CASP9: variants seen among roughly 807,000 people sequenced by gnomAD.
The protein encoded by CASP9 is caspase 9.
A neutral mutation model predicts 43.5 loss-of-function variants in CASP9; 29 were observed. The ratio of observed to expected loss-of-function variants is 0.67; its 90% confidence interval spans 0.50 to 0.91. The LOEUF is 0.91. CASP9 is among the 40% of genes least tolerant of loss of function. The pLI is 0.00. For missense variants in CASP9, 575 were observed against 537.4 expected (o/e 1.07, Z -0.69); for synonymous variants, 206 against 211.9 (o/e 0.97, Z 0.24).
rs1326190152 is a variant in CASP9 at position 15,491,634 on chromosome 1, T to G, written c.*1309A>C. The G allele has an allele frequency of 3.4e-6, 1 of 291,356 alleles. No individual in the cohort carries two copies. The allele number at this position is 291,356 out of a possible 1,614,324, so 18.0% of individuals were successfully genotyped here. On this transcript the variant is annotated 3_prime_UTR_variant, in exon 9 of 9. Coordinates refer to ENST00000333868, the MANE Select transcript of CASP9 (RefSeq NM_001229.5). ...TTAACTGGGAGAGGTGGTGCACACC[T>G]GTAGTCCAAGCTACTCAGGTGGCTG...
At chr1:15,493,249 C>G in intron 8 of CASP9, 1 of 1,403,702 alleles carries the variant, frequency 7.1e-7, no homozygotes, top group African/African-American at 1.4e-5. Context: ...AAGTTCAAAT[C>G]AGACTGAAAT....
intron 2 of CASP9, among the ~76,000 whole-genome samples, chr1:15,517,184 C>G (rs1406667897): frequency 6.6e-6 from 1 of 152,056 alleles, no homozygotes; most frequent in Non-Finnish European, 1.5e-5. Flanking sequence ...ACCCACATGT[C>G]CATCAGTAGG....
intron 1 of CASP9, among the ~76,000 whole-genome samples, chr1:15,520,458 T>C (rs1451613639): frequency 1.3e-5 from 2 of 152,264 alleles, no homozygotes; most frequent in Non-Finnish European, 2.9e-5. Context: ...TAGCTTTTAA[T>C]ATTACTCTTT....
At chr1:15,512,700 A>T (rs1281773332) in intron 2 of CASP9, among the ~76,000 whole-genome samples, 8 of 152,294 alleles carry the variant, frequency 5.3e-5, no homozygotes, top group Admixed American at 5.2e-4. Context: ...AAAAAAATGC[A>T]TATATCTTTC....
At chr1:15,524,589 T>TCCCCG (rs1710375447), upstream of CASP9, 26 of 892,590 alleles carry the variant, frequency 2.9e-5, no homozygotes, top group South Asian at 1.6e-4. Context: ...TGACCTCACG[T>TCCCCG]CACCGCCCCG....
At chr1:15,517,392 A>C (rs1451499221) in intron 2 of CASP9, among the ~76,000 whole-genome samples, 3 of 152,188 alleles carry the variant, frequency 2.0e-5, no homozygotes, top group Non-Finnish European at 2.9e-5. Context: ...CTGGCGATAG[A>C]GATGAGAACG....
upstream of CASP9, chr1:15,524,529 A>G: frequency 2.9e-6 from 1 of 349,832 alleles, no homozygotes; most frequent in South Asian, 3.1e-5. Context: ...GCCCCGCTCC[A>G]GAATCCACCA....
In CASP9 at chr1:15,497,983, C is replaced by T. The variant is rs114082177; in HGVS notation, c.869-2531G>A. On this transcript the variant is annotated intron_variant, in intron 6 of 8. Coordinates refer to ENST00000333868, the MANE Select transcript of CASP9 (RefSeq NM_001229.5). ...TGTCATTGAATAGAGCCCAGACATA[C>T]ACCCTCACATGCGTGGTCAAATGAA... Among the ~76,000 whole-genome samples, 1,163 of 152,358 alleles carry T rather than the reference C, an allele frequency of 7.6e-3. 12 individuals are homozygous for T. Among genetic ancestry groups the T allele is most frequent in the African/African-American group, 0.026 (1,070 of 41,588 alleles).
At chr1:15,494,862 CAAAAAAAA>C (rs563954013) in intron 7 of CASP9, among the ~76,000 whole-genome samples, 7 of 44,300 alleles carry the variant, frequency 1.6e-4, no homozygotes, top group South Asian at 1.2e-3. Context: ...GATTCCATCT[CAAAAAAAA>C]AAAAAAAAAA....
intron 8 of CASP9, chr1:15,493,629 G>C: frequency 2.1e-6 from 3 of 1,440,490 alleles, no homozygotes; most frequent in Non-Finnish European, 2.7e-6. Context: ...AGCTCCATCA[G>C]TGGAGGAGCG....
intron 6 of CASP9, among the ~76,000 whole-genome samples, chr1:15,503,421 G>A (rs4646061): frequency 0.31 from 46,733 of 152,052 alleles, 7,594 homozygotes; most frequent in East Asian, 0.58. Flanking sequence ...TTAATCAAGT[G>A]TTCTCAATCA....
At chr1:15,516,075 G>A (rs1445655929) in intron 2 of CASP9, among the ~76,000 whole-genome samples, 1 of 151,442 alleles carries the variant, frequency 6.6e-6, no homozygotes, top group Non-Finnish European at 1.5e-5. Context: ...GGTGGCGGCT[G>A]CCTGTAGTCC....
At chr1:15,496,825 T>C (rs549162587) in intron 6 of CASP9, among the ~76,000 whole-genome samples, 4 of 151,160 alleles carry the variant, frequency 2.6e-5, no homozygotes, top group African/African-American at 9.7e-5. Flanking sequence ...GCCCAGGAGT[T>C]CCAGACCAGC....
At chr1:15,503,017 G>A (rs1433792429) in intron 6 of CASP9, among the ~76,000 whole-genome samples, 1 of 152,124 alleles carries the variant, frequency 6.6e-6, no homozygotes, top group Non-Finnish European at 1.5e-5. Context: ...CTCCGGGGTG[G>A]GAGCGGGGGG....
chr1:15,494,648 G>C (rs1335593037), intron 7 of CASP9, among the ~76,000 whole-genome samples: 1 of 151,672 alleles, frequency 6.6e-6, no homozygotes, highest in Admixed American at 6.6e-5. Flanking sequence ...TGGATCACGA[G>C]GTCAGGAGAT....
chr1:15,508,402 T>C (rs1264786209), intron 2 of CASP9, among the ~76,000 whole-genome samples: 1 of 152,014 alleles, frequency 6.6e-6, no homozygotes, highest in African/African-American at 2.4e-5. Context: ...GTTTCTTTTC[T>C]TTTTTTTCTT....
intron 2 of CASP9, among the ~76,000 whole-genome samples, chr1:15,514,752 T>C (rs1291608204): frequency 6.6e-6 from 1 of 152,162 alleles, no homozygotes; most frequent in Admixed American, 6.5e-5. Flanking sequence ...ATACCTATAA[T>C]CCCAGCACTT....
chr1:15,521,858 A>G (rs907456200), intron 1 of CASP9, among the ~76,000 whole-genome samples: 13 of 152,188 alleles, frequency 8.5e-5, no homozygotes, highest in African/African-American at 3.1e-4. Context: ...CAGGCCCTGT[A>G]AGGCTTGACC....
At chr1:15,518,484 C>G in intron 1 of CASP9, 89 bp from the exon 2 acceptor site, 1 of 1,422,486 alleles carries the variant, frequency 7.0e-7, no homozygotes, top group Non-Finnish European at 9.5e-7. Context: ...TACTGTAAGT[C>G]TAAACAATCA....
Sources: gnomAD v4.1 joint callset for allele counts (sites outside exome capture counted in the v4.1 genomes callset) on GRCh38, gnomAD v4.1.1 for gene constraint, MANE v1.5 for transcripts, NCBI Gene and HGNC (gene_info 2026-07-23, HGNC 2026-07-21) for gene names.